CASQ2: variants seen among roughly 807,000 people sequenced by gnomAD.
The protein encoded by CASQ2 is calsequestrin 2.
Under a neutral mutation model 46.5 loss-of-function variants are expected in CASQ2, and 49 were observed. The ratio of observed to expected loss-of-function variants is 1.05; its 90% CI spans 0.84 to 1.34. The LOEUF (loss-of-function observed/expected upper bound fraction) is 1.34. Ranked by LOEUF, CASQ2 falls within the 40% of genes most tolerant of loss-of-function variation. The probability of loss-of-function intolerance (pLI) is 0.00; values close to 1 mark genes in which losing one functional copy is unlikely to be tolerated. For missense variants in CASQ2, 486 were observed against 481.3 expected (o/e 1.01, Z -0.09); for synonymous variants, 174 against 168.5 (o/e 1.03, Z -0.25).
chr1:115,720,408 C>T (rs1470925993), intron 7 of CASQ2, among the ~76,000 whole-genome samples: 3 of 152,114 alleles, frequency 2.0e-5, no homozygotes, highest in South Asian at 2.1e-4. Context: ...CACTTCCCAA[C>T]GGCCCCATCT....
At chr1:115,739,175 G>A (rs1160919989) in intron 3 of CASQ2, among the ~76,000 whole-genome samples, 1 of 142,494 alleles carries the variant, frequency 7.0e-6, no homozygotes. Flanking sequence ...GCAGTGGCAC[G>A]ATCTAGGCTC....
intron 4 of CASQ2, among the ~76,000 whole-genome samples, chr1:115,736,705 T>G (rs1429958292): frequency 6.6e-6 from 1 of 152,108 alleles, no homozygotes; most frequent in Non-Finnish European, 1.5e-5. Context: ...AATTGGAGGT[T>G]TTTTACAATG....
At position 115,732,912 on chromosome 1, in the gene CASQ2, A is replaced by C; in HGVS notation, c.595T>G (p.Phe199Val). The change falls in exon 5 of 11, where the codon TTT (phenylalanine) becomes GTT (valine). Residue 199 changes from phenylalanine to valine, a missense_variant. Phe to Val is a conservative substitution (Grantham distance 50, BLOSUM62 -1). Transcript: ENST00000261448. ...FQPYIKFFAT[F>V]DKGVAKKLSL... ...TCATAGGTACTTACCCCTTTGTCAA[A>C]GGTGGCAAAGAATTTGATGTAAGGC... The C allele has an allele frequency of 2.5e-6, 4 of 1,612,798 alleles. No individual in the cohort carries two copies. Among genetic ancestry groups the C allele is most frequent in the Non-Finnish European group, 2.5e-6 (3 of 1,178,854 alleles).
At chr1:115,748,215 G>A (rs557847579) in intron 1 of CASQ2, among the ~76,000 whole-genome samples, 1 of 152,196 alleles carries the variant, frequency 6.6e-6, no homozygotes, top group South Asian at 2.1e-4. Context: ...TTCTATGTTT[G>A]TTTCTTTGAT....
intron 5 of CASQ2, among the ~76,000 whole-genome samples, chr1:115,730,259 T>C (rs904367318): frequency 3.3e-5 from 5 of 152,234 alleles, no homozygotes; most frequent in Admixed American, 6.5e-5. Flanking sequence ...GGATAGTGGT[T>C]GGGAACTACT....
chr1:115,725,656 T>C, intron 6 of CASQ2, 103 bp from the exon 7 acceptor site: 1 of 1,429,808 alleles, frequency 7.0e-7, no homozygotes, highest in East Asian at 2.3e-5. Context: ...AATGAGATGA[T>C]GCTTCCTTTG....
chr1:115,711,594 T>G, intron 8 of CASQ2, among the ~76,000 whole-genome samples: 1 of 135,238 alleles, frequency 7.4e-6, no homozygotes, highest in East Asian at 2.0e-4. Context: ...CATTTTAAGA[T>G]TTTTTTTTTT....
At chr1:115,702,865 G>T in intron 10 of CASQ2, 56 bp downstream of exon 10, 1 of 1,283,616 alleles carries the variant, frequency 7.8e-7, no homozygotes, top group Non-Finnish European at 1.1e-6. Flanking sequence ...AAGCTGTGTA[G>T]CAGAAGACAG....
At chr1:115,739,092 C>A (rs1648074500) in intron 3 of CASQ2, among the ~76,000 whole-genome samples, 1 of 135,444 alleles carries the variant, frequency 7.4e-6, no homozygotes, top group African/African-American at 2.6e-5. Flanking sequence ...ATAGTATTCC[C>A]TTGTGTATGT....
intron 7 of CASQ2, among the ~76,000 whole-genome samples, chr1:115,725,120 G>A (rs548998447): frequency 3.0e-4 from 46 of 152,076 alleles, no homozygotes; most frequent in Middle Eastern, 3.4e-3. Flanking sequence ...AGGCTGGAGC[G>A]CAGTGCCAGG....
rs1315755387 is a variant in CASQ2 at position 115,727,159 on chromosome 1, T to C, written c.607-37A>G. 2.0e-6 allele frequency: 3 copies of C among 1,498,940 alleles called. No individual in the cohort carries two copies. The African/African-American group carries it at 4.1e-5, about 21-fold the overall frequency. 92.9% of individuals were successfully genotyped at this position (1,498,940 alleles called of 1,614,324 possible). On this transcript the variant is annotated intron_variant, in intron 5 of 10. Transcript: ENST00000261448. ...AGAAATAAGACAAAGTTTATTTGAA[T>C]ACTAGTCTAGAATAGCAGTGTGTTG...
Position 115,739,319 on chromosome 1 carries a change from A to G in CASQ2, c.421-984T>C, listed in dbSNP as rs566128459. 9.0e-4 allele frequency among the ~76,000 whole-genome samples: 136 copies of G among 151,240 alleles called. 1 individual carries two copies. The highest frequency in any genetic ancestry group is 7.0e-3 in the East Asian group (36 of 5,114). On this transcript the variant is annotated intron_variant, in intron 3 of 10. Coordinates refer to ENST00000261448, the MANE Select transcript of CASQ2 (RefSeq NM_001232.4). Reference sequence around the variant, plus strand: ...TTTAGTAGAGATGGGGTTTCACCGTATTAGCCAGGATGGTCTCGATCTCCT... The same window carrying G: ...TTTAGTAGAGATGGGGTTTCACCGTGTTAGCCAGGATGGTCTCGATCTCCT...
chr1:115,725,629 A>G (rs1647558816), intron 6 of CASQ2, 76 bp from the exon 7 acceptor site: 3 of 1,532,034 alleles, frequency 2.0e-6, no homozygotes, highest in Non-Finnish European at 2.6e-6. Flanking sequence ...CAGCAGCCAC[A>G]GCATTATGAA....
chr1:115,702,874 A>G, intron 10 of CASQ2, 47 bp downstream of exon 10: 2 of 1,384,340 alleles, frequency 1.4e-6, no homozygotes, highest in East Asian at 2.3e-5. Context: ...AGCAGAAGAC[A>G]GGGCAGGCCA....
chr1:115,763,094 G>T (rs1245788569), intron 1 of CASQ2, among the ~76,000 whole-genome samples: 1 of 152,124 alleles, frequency 6.6e-6, no homozygotes, highest in African/African-American at 2.4e-5. Flanking sequence ...TTTGCTTTTT[G>T]CTTCCCCTAT....
In CASQ2 at chr1:115,700,471, A is replaced by T. The variant is rs991581170; in HGVS notation, c.*770T>A. 1 of 152,764 alleles carries T rather than the reference A, an allele frequency of 6.5e-6. No homozygotes were observed. The highest frequency in any genetic ancestry group is 2.4e-5 in the African/African-American group (1 of 41,440). The allele number at this position is 152,764 out of a possible 1,614,324, so 9.5% of individuals were successfully genotyped here. A position where few individuals can be genotyped will look rare whatever the true frequency, so the allele number is the denominator to read the frequency against. ...AAAATGTAAAAGTTTTCATCTTTCT[A>T]GTTTTCCCCCACCCTCCACTCCTGC... On this transcript the variant is annotated 3_prime_UTR_variant, in exon 11 of 11. Coordinates refer to ENST00000261448, the MANE Select transcript of CASQ2 (RefSeq NM_001232.4).
intron 8 of CASQ2, among the ~76,000 whole-genome samples, chr1:115,711,643 G>T (rs1290813237): frequency 1.4e-5 from 2 of 140,646 alleles, no homozygotes; most frequent in Non-Finnish European, 1.5e-5. Context: ...AAGGGTTTTT[G>T]TTTGTTTGTT....
At position 115,761,714 on chromosome 1, in the gene CASQ2, G is replaced by A. The variant is rs572290933; in HGVS notation, c.234+6594C>T. On this transcript the variant is annotated intron_variant, in intron 1 of 10. Transcript: ENST00000261448. The stretch of plus-strand genomic sequence containing the variant: ...GGGCTCTGGCAGACTGAAAGCAGAA[G>A]CATCAAGAGATCCACTAAACAGCTG... Among the ~76,000 whole-genome samples, 108 of 151,926 alleles carry A rather than the reference G, an allele frequency of 7.1e-4. 1 individual carries two copies. The Middle Eastern group carries it at 0.01, about 14-fold the overall frequency.
chr1:115,753,444 C>A (rs377364426), intron 1 of CASQ2, among the ~76,000 whole-genome samples: 1 of 152,164 alleles, frequency 6.6e-6, no homozygotes, highest in Non-Finnish European at 1.5e-5. Flanking sequence ...CCCATGAGGC[C>A]TCTCATCTCA....
Sources: allele counts gnomAD v4.1 joint callset (sites outside exome capture counted in the v4.1 genomes callset), GRCh38; gene constraint gnomAD v4.1.1; transcripts MANE v1.5; gene names NCBI Gene and HGNC (gene_info 2026-07-23, HGNC 2026-07-21).